SCUBE1: variants seen among roughly 807,000 people sequenced by gnomAD.
SCUBE1 encodes signal peptide, CUB and EGF-like domain-containing protein 1.
A neutral mutation model predicts 124.4 loss-of-function variants in SCUBE1; 59 were observed. The observed-to-expected ratio is 0.47, with a 90% CI of 0.38 to 0.59. The LOEUF (loss-of-function observed/expected upper bound fraction) is 0.59. Among genes scored for constraint, SCUBE1 ranks in the 20% least tolerant of loss-of-function variants. SCUBE1 has a pLI of 0.00. For synonymous variants in SCUBE1, 545 were observed against 550.9 expected (o/e 0.99, Z 0.15); for missense variants, 1,150 against 1,371.2 (o/e 0.84, Z 2.55).
At chr22:43,311,148 C>A (rs535539412) in intron 3 of SCUBE1, among the ~76,000 whole-genome samples, 6 of 152,188 alleles carry the variant, frequency 3.9e-5, no homozygotes, top group Non-Finnish European at 5.9e-5. Context: ...AATGCTGTCA[C>A]CCTGCCCCCA....
At chr22:43,226,953 G>A (rs900848184) in intron 10 of SCUBE1, among the ~76,000 whole-genome samples, 2 of 152,136 alleles carry the variant, frequency 1.3e-5, no homozygotes, top group African/African-American at 4.8e-5. Context: ...TGCACCCCGA[G>A]TGACCCTCCT....
chr22:43,211,982 G>A lies in SCUBE1; in HGVS notation c.2221+443C>T, dbSNP rs1921579679. On this transcript the variant is annotated intron_variant, in intron 17 of 21. Transcript: ENST00000360835. This position sits in a 1 kb window ranked among gnomAD's most constrained non-coding sequence, Gnocchi z 4.5. ...AAGCAGGGTCAGCAGCTGAGAATGG[G>A]GAGGATTTGGGGGAGTTGGTGAGTG... 6.6e-6 allele frequency among the ~76,000 whole-genome samples: 1 copy of A among 152,120 alleles called. No individual in the cohort carries two copies. The highest frequency in any genetic ancestry group is 2.4e-5 in the African/African-American group (1 of 41,392).
chr22:43,265,333 C>T (rs922386577), intron 4 of SCUBE1, among the ~76,000 whole-genome samples: 1 of 152,206 alleles, frequency 6.6e-6, no homozygotes, highest in African/African-American at 2.4e-5. Context: ...TGACTATGGA[C>T]TGCAGTAACC....
In SCUBE1 at chr22:43,211,155, C is replaced by T; in HGVS notation, c.2222-72G>A. On this transcript the variant is annotated intron_variant, in intron 17 of 21. Transcript: ENST00000360835. This position sits in a 1 kb window ranked among gnomAD's most constrained non-coding sequence, Gnocchi z 4.5. ...GAAAGGGCAGCACTGGGGTGCTGTC[C>T]CCAGGACCTCTCATGCCCTCGAGGT... is the stretch of plus-strand genomic sequence containing the variant. 2 of 1,473,654 alleles carry T rather than the reference C, an allele frequency of 1.4e-6. No homozygotes were observed. The highest frequency in any genetic ancestry group is 9.3e-7 in the Non-Finnish European group (1 of 1,080,458). The allele number at this position is 1,473,654 out of a possible 1,614,324, so 91.3% of individuals were successfully genotyped here.
At chr22:43,293,753 C>T (rs1925458252) in intron 3 of SCUBE1, among the ~76,000 whole-genome samples, 1 of 152,222 alleles carries the variant, frequency 6.6e-6, no homozygotes, top group Non-Finnish European at 1.5e-5. Flanking sequence ...TTCTCAGATT[C>T]CCTGCTCTGC....
At chr22:43,301,866 C>T (rs1230638149) in intron 3 of SCUBE1, among the ~76,000 whole-genome samples, 1 of 152,224 alleles carries the variant, frequency 6.6e-6, no homozygotes, top group East Asian at 1.9e-4. Flanking sequence ...CGCTTCTGGC[C>T]TGGACATCCA....
intron 12 of SCUBE1, among the ~76,000 whole-genome samples, chr22:43,222,039 G>A (rs977396412): frequency 4.6e-5 from 7 of 152,140 alleles, no homozygotes; most frequent in African/African-American, 1.7e-4. Context: ...ACTCCAGCCT[G>A]GGTGACAGAG....
At chr22:43,223,419 C>T (rs1421897728) in intron 10 of SCUBE1, among the ~76,000 whole-genome samples, 1 of 152,172 alleles carries the variant, frequency 6.6e-6, no homozygotes, top group Non-Finnish European at 1.5e-5. Context: ...CTTAGTCCCT[C>T]CTCCCCTTCA....
intron 21 of SCUBE1, among the ~76,000 whole-genome samples, chr22:43,206,845 T>C (rs17003556): frequency 0.039 from 5,960 of 152,208 alleles, 146 homozygotes; most frequent in South Asian, 0.057. Context: ...GGTTTCTGCC[T>C]AAGCAGCTTG....
At chr22:43,341,724 G>T (rs541806195) in intron 1 of SCUBE1, among the ~76,000 whole-genome samples, 122 of 152,292 alleles carry the variant, frequency 8.0e-4, no homozygotes, top group Non-Finnish European at 8.5e-4. Flanking sequence ...TCCTGTCTGG[G>T]CTGGAGACTC....
chr22:43,206,248 AC>A (rs1601791727), intron 21 of SCUBE1, among the ~76,000 whole-genome samples: 1 of 130,312 alleles, frequency 7.7e-6, no homozygotes, highest in Admixed American at 7.8e-5. Flanking sequence ...CAGCACACAC[AC>A]CCCTACATAC....
chr22:43,315,396 C>CAGCA (rs1926309824), intron 3 of SCUBE1, among the ~76,000 whole-genome samples: 1 of 152,170 alleles, frequency 6.6e-6, no homozygotes, highest in Non-Finnish European at 1.5e-5. Flanking sequence ...GCCCAGCTGA[C>CAGCA]TCTTACAGCA....
chr22:43,251,053 G>C (rs557254298), intron 6 of SCUBE1, among the ~76,000 whole-genome samples: 2 of 152,302 alleles, frequency 1.3e-5, no homozygotes, highest in African/African-American at 2.4e-5. Context: ...CCAGGGCTGT[G>C]GGGGAGACTC....
In SCUBE1 at chr22:43,238,825, T is replaced by C; in HGVS notation, c.844+13A>G. ...GTACAGGCAGGGGCACCCACACAGC[T>C]CCACATGCTGACCTTTGCATGTCTT... On this transcript the variant is annotated intron_variant, in intron 7 of 21. Coordinates refer to ENST00000360835, the MANE Select transcript of SCUBE1 (RefSeq NM_173050.5). The C allele has an allele frequency of 1.2e-6, 2 of 1,603,676 alleles. No individual in the cohort carries two copies. The highest frequency in any genetic ancestry group is 1.7e-6 in the Non-Finnish European group (2 of 1,171,456).
Position 43,258,847 on chromosome 22 carries a change from C to T in SCUBE1, c.611-512G>A, listed in dbSNP as rs995162088. ...TGTGGATGTCTCCACGGAGGTCCCCCCTCAGAGTCCCAGGGGCCACCTCAA... is the reference window on the plus strand; with the variant it reads ...TGTGGATGTCTCCACGGAGGTCCCCTCTCAGAGTCCCAGGGGCCACCTCAA... On this transcript the variant is annotated intron_variant, in intron 5 of 21. Coordinates refer to ENST00000360835, the MANE Select transcript of SCUBE1 (RefSeq NM_173050.5). This position sits in a 1 kb window ranked among gnomAD's most constrained non-coding sequence, Gnocchi z 5.0. Among the ~76,000 whole-genome samples, 1 of 152,166 alleles carries T rather than the reference C, an allele frequency of 6.6e-6. No individual in the cohort carries two copies. The highest frequency in any genetic ancestry group is 1.5e-5 in the Non-Finnish European group (1 of 68,026).
At chr22:43,231,347 T>G (rs730124) in intron 8 of SCUBE1, among the ~76,000 whole-genome samples, 11,084 of 152,248 alleles carry the variant, frequency 0.073, 1,275 homozygotes, top group African/African-American at 0.24. Context: ...AGACCCCTCC[T>G]CATTATCCTT....
rs777959485 is a variant in SCUBE1, at chr22:43,319,953, A to C, written c.333T>G (p.Asp111Glu). 6.2e-7 allele frequency: 1 copy of C among 1,614,178 alleles called. No homozygotes were observed. The highest frequency in any genetic ancestry group is 2.2e-5 in the East Asian group (1 of 44,878). The part of the protein sequence containing the change: ...TCFDGFMLAH[D>E]GHNCLDVDEC... The stretch of plus-strand genomic sequence containing the variant: ...ATCACTCACCCAGGCAGTTGTGTCC[A>C]TCGTGTGCCAGCATGAAGCCATCAA... Residue 111 changes from aspartate to glutamate, a missense_variant, in exon 3 of 22, where the codon GAT becomes GAG. Coordinates refer to ENST00000360835, the MANE Select transcript of SCUBE1 (RefSeq NM_173050.5).
Position 43,219,077 on chromosome 22 carries a change from T to C in SCUBE1, c.1688-619A>G, listed in dbSNP as rs115594398. Among the ~76,000 whole-genome samples, 450 of 152,332 alleles carry C rather than the reference T, an allele frequency of 3.0e-3. 1 individual carries two copies. The highest frequency in any genetic ancestry group is 0.011 in the African/African-American group (446 of 41,570). ...TGGCACCTCTTCTGGGAAAGCTTCCTGATATGGTTTCAATATTTGTCTCTT... is the reference window on the plus strand; with the variant it reads ...TGGCACCTCTTCTGGGAAAGCTTCCCGATATGGTTTCAATATTTGTCTCTT... On this transcript the variant is annotated intron_variant, in intron 14 of 21. Transcript: ENST00000360835.
In SCUBE1 at chr22:43,294,371, G is replaced by A. The variant is rs1172910682; in HGVS notation, c.350-3191C>T. ...ACTGAGGTCTGAAGAGCATCCAACT[G>A]CAGCAGCTGGGTCTGTGAGATGCCG... On this transcript the variant is annotated intron_variant, in intron 3 of 21. Coordinates refer to ENST00000360835, the MANE Select transcript of SCUBE1 (RefSeq NM_173050.5). 2.0e-5 allele frequency among the ~76,000 whole-genome samples: 3 copies of A among 152,122 alleles called. No individual in the cohort carries two copies. The East Asian group carries it at 5.8e-4, about 30-fold the overall frequency.
Sources: gnomAD v4.1 joint callset for allele counts (sites outside exome capture counted in the v4.1 genomes callset) on GRCh38, gnomAD v4.1.1 for gene constraint, Gnocchi (gnomAD v3.1) non-coding constraint, MANE v1.5 for transcripts, NCBI Gene and HGNC (gene_info 2026-07-23, HGNC 2026-07-21) for gene names.